Variants in CA10 observed in about 807,000 individuals in gnomAD.
The protein encoded by CA10 is carbonic anhydrase 10 (inactive).
In CA10, 14 loss-of-function variants were observed where a neutral mutation model predicts 44.2. The ratio of observed to expected loss-of-function variants is 0.32; its 90% CI spans 0.21 to 0.50. The LOEUF is 0.50. Ranked by LOEUF, CA10 falls within the 20% of genes least tolerant of loss-of-function variation. CA10 has a pLI of 0.99. For synonymous variants in CA10, 159 were observed against 141.6 expected, an observed-to-expected ratio of 1.12 and a Z score of -0.87; for missense variants, 350 against 409.7, an observed-to-expected ratio of 0.85 and a Z score of 1.26.
intron 4 of CA10, among the ~76,000 whole-genome samples, chr17:51,744,180 T>C: frequency 6.6e-6 from 1 of 151,980 alleles, no homozygotes; most frequent in Non-Finnish European, 1.5e-5. Context: ...CCAGGTGTGG[T>C]GGTGCACACC....
intron 8 of CA10, 36 bp downstream of exon 8, chr17:51,633,440 G>C: frequency 6.3e-7 from 1 of 1,594,248 alleles, no homozygotes; most frequent in Non-Finnish European, 8.6e-7. Context: ...CTGAGCTCTA[G>C]CCTAGATCCT....
rs557501567 is a variant in CA10, at chr17:51,919,610, CTGGT to C, written c.279+11376_279+11379del. On this transcript the variant is annotated intron_variant, in intron 3 of 8. Coordinates refer to ENST00000451037, the MANE Select transcript of CA10 (RefSeq NM_020178.5). ...CATTTTGTTGCCTATGTTTAAGAGG[CTGGT>C]TGTTTTGTAAAATGCCTGTTAGTTG... is the stretch of plus-strand genomic sequence containing the variant. Among the ~76,000 whole-genome samples the C allele has an allele frequency of 8.1e-4, 124 of 152,192 alleles. 3 individuals are homozygous for C. The East Asian group carries it at 0.021, about 25-fold the overall frequency.
intron 1 of CA10, among the ~76,000 whole-genome samples, chr17:52,117,211 G>GAGCC (rs1305619718): frequency 6.6e-6 from 1 of 152,102 alleles, no homozygotes; most frequent in African/African-American, 2.4e-5. Context: ...GCATGCATTA[G>GAGCC]AGCCCCTAAG....
intron 2 of CA10, among the ~76,000 whole-genome samples, chr17:52,068,358 C>T (rs1434716061): frequency 1.3e-5 from 2 of 152,182 alleles, no homozygotes; most frequent in Non-Finnish European, 2.9e-5. Flanking sequence ...TTCCTGAGGC[C>T]TCCCGGCCAT....
intron 1 of CA10, among the ~76,000 whole-genome samples, chr17:52,107,555 C>G (rs1988687365): frequency 6.6e-6 from 1 of 151,870 alleles, no homozygotes; most frequent in Non-Finnish European, 1.5e-5. Flanking sequence ...TTATCTAGAA[C>G]ATAGGAGAGA....
chr17:51,654,365 T>A lies in CA10; in HGVS notation c.466-629A>T, dbSNP rs575217949. 2.6e-5 allele frequency among the ~76,000 whole-genome samples: 4 copies of A among 152,360 alleles called. No individual in the cohort carries two copies. The South Asian group carries it at 6.2e-4, about 24-fold the overall frequency. On this transcript the variant is annotated intron_variant, in intron 4 of 8. Coordinates refer to ENST00000451037, the MANE Select transcript of CA10 (RefSeq NM_020178.5). Reference sequence around the variant, plus strand: ...TACTTAATTTTTTTAAATTCATTTTTAAAAATCGTGTATAAACATACATAT... The same window carrying A: ...TACTTAATTTTTTTAAATTCATTTTAAAAAATCGTGTATAAACATACATAT...
At chr17:51,660,817 T>C (rs1338109788) in intron 4 of CA10, among the ~76,000 whole-genome samples, 1 of 152,196 alleles carries the variant, frequency 6.6e-6, no homozygotes, top group East Asian at 1.9e-4. Context: ...TTTCTAACCA[T>C]GTGTCCTTGT....
At chr17:52,073,018 C>G (rs79773639) in intron 1 of CA10, among the ~76,000 whole-genome samples, 1,910 of 152,254 alleles carry the variant, frequency 0.013, 20 homozygotes, top group Non-Finnish European at 0.019. Flanking sequence ...CCCTTGAATT[C>G]ATGACAGTTG....
intron 2 of CA10, among the ~76,000 whole-genome samples, chr17:51,949,748 G>A (rs1983414064): frequency 6.6e-6 from 1 of 152,124 alleles, no homozygotes; most frequent in African/African-American, 2.4e-5. Context: ...AGCCTTAAGG[G>A]TGATGTTCCA....
At chr17:51,723,271 G>A (rs1481712904) in intron 4 of CA10, among the ~76,000 whole-genome samples, 2 of 152,208 alleles carry the variant, frequency 1.3e-5, no homozygotes, top group African/African-American at 2.4e-5. Flanking sequence ...AACTGTGACA[G>A]GGAGGATCAA....
chr17:52,034,050 T>C (rs1243891479), intron 2 of CA10, among the ~76,000 whole-genome samples: 2 of 152,166 alleles, frequency 1.3e-5, no homozygotes, highest in Non-Finnish European at 2.9e-5. Context: ...TGAGGAGGTA[T>C]TAGTCAAGGG....
At chr17:51,941,666 A>G (rs1260533278) in intron 2 of CA10, among the ~76,000 whole-genome samples, 1 of 152,158 alleles carries the variant, frequency 6.6e-6, no homozygotes, top group East Asian at 1.9e-4. Context: ...TGGCTTTCAG[A>G]AGCAAATACC....
intron 3 of CA10, among the ~76,000 whole-genome samples, chr17:51,748,063 T>C (rs1904767154): frequency 6.6e-6 from 1 of 152,232 alleles, no homozygotes; most frequent in Non-Finnish European, 1.5e-5. Context: ...AGACTTTTCA[T>C]CATTTGTGAT....
chr17:51,651,246 C>T (rs1356198961), intron 5 of CA10, among the ~76,000 whole-genome samples: 1 of 152,130 alleles, frequency 6.6e-6, no homozygotes, highest in Non-Finnish European at 1.5e-5. Context: ...CCTTAGGGAC[C>T]AAGAGCTTTG....
chr17:52,033,859 A>G (rs1280288594), intron 2 of CA10, among the ~76,000 whole-genome samples: 1 of 152,236 alleles, frequency 6.6e-6, no homozygotes, highest in East Asian at 1.9e-4. Flanking sequence ...GCTTTTAAAA[A>G]GAAGAAAATC....
At chr17:51,792,947 G>A (rs758467821) in intron 3 of CA10, among the ~76,000 whole-genome samples, 1 of 152,172 alleles carries the variant, frequency 6.6e-6, no homozygotes, top group African/African-American at 2.4e-5. Flanking sequence ...TAAGCAACTT[G>A]CCCAAGGTTG....
intron 4 of CA10, among the ~76,000 whole-genome samples, chr17:51,673,425 C>T (rs1467323778): frequency 1.3e-5 from 2 of 152,142 alleles, no homozygotes; most frequent in Non-Finnish European, 2.9e-5. Context: ...TCCAAATCTC[C>T]TCCTCTTCCT....
chr17:51,855,326 T>C (rs1978991816), intron 3 of CA10, among the ~76,000 whole-genome samples: 1 of 152,160 alleles, frequency 6.6e-6, no homozygotes, highest in African/African-American at 2.4e-5. Context: ...ATGTGAACTA[T>C]AATAGACCTT....
intron 4 of CA10, among the ~76,000 whole-genome samples, chr17:51,683,855 A>G (rs1044065557): frequency 3.3e-5 from 5 of 152,160 alleles, no homozygotes; most frequent in Non-Finnish European, 5.9e-5. Context: ...CCACCACTCT[A>G]GGAAGGATAA....
Sources: gnomAD v4.1 joint callset for allele counts (sites outside exome capture counted in the v4.1 genomes callset) on GRCh38, gnomAD v4.1.1 for gene constraint, MANE v1.5 for transcripts, NCBI Gene and HGNC (gene_info 2026-07-23, HGNC 2026-07-21) for gene names.